The following GRM7 variants were observed in gnomAD, a reference collection of about 807,000 sequenced individuals.
GRM7 encodes metabotropic glutamate receptor 7.
Under a neutral mutation model 84.5 loss-of-function variants are expected in GRM7, and 35 were observed. That is an observed-to-expected ratio of 0.41 (90% CI 0.32 to 0.55). The LOEUF (loss-of-function observed/expected upper bound fraction) is 0.55. Ranked by LOEUF, GRM7 falls within the 20% of genes least tolerant of loss-of-function variation. The pLI, the probability that GRM7 is intolerant of heterozygous loss-of-function variation, is 0.19. For synonymous variants in GRM7, 487 were observed against 455.1 expected (o/e 1.07, Z -0.89); for missense variants, 1,003 against 1,194.6 (o/e 0.84, Z 2.36).
At chr3:7,114,326 T>C (rs1160551577) in intron 1 of GRM7, among the ~76,000 whole-genome samples, 1 of 152,150 alleles carries the variant, frequency 6.6e-6, no homozygotes, top group Admixed American at 6.5e-5. Flanking sequence ...TTCACATACC[T>C]TACTTCAAAA....
chr3:7,535,305 A>G (rs1333136072), intron 7 of GRM7: 1 of 152,362 alleles, frequency 6.6e-6, no homozygotes, highest in East Asian at 1.9e-4. Flanking sequence ...AGAAAAAAGA[A>G]AAAGAAAAAA....
intron 1 of GRM7, among the ~76,000 whole-genome samples, chr3:6,876,961 T>C (rs1409013086): frequency 6.6e-6 from 1 of 152,196 alleles, no homozygotes; most frequent in African/African-American, 2.4e-5. Context: ...GTAGCTTCTA[T>C]AATTTCCTCA....
intron 8 of GRM7, among the ~76,000 whole-genome samples, chr3:7,652,820 A>G (rs1264703067): frequency 6.6e-6 from 1 of 152,248 alleles, no homozygotes; most frequent in African/African-American, 2.4e-5. Flanking sequence ...GACCAGCTGT[A>G]TGCATAACAT....
At chr3:6,886,798 T>A (rs1336643557) in intron 1 of GRM7, among the ~76,000 whole-genome samples, 5 of 150,094 alleles carry the variant, frequency 3.3e-5, no homozygotes, top group East Asian at 3.9e-4. Flanking sequence ...ATAATAATAA[T>A]AAACAGTTTA....
intron 1 of GRM7, among the ~76,000 whole-genome samples, chr3:6,914,926 G>A (rs2125022700): frequency 6.6e-6 from 1 of 152,132 alleles, no homozygotes; most frequent in Admixed American, 6.5e-5. Context: ...ACATTATTTG[G>A]TTATAACAGC....
chr3:6,888,183 C>T (rs1450116967), intron 1 of GRM7, among the ~76,000 whole-genome samples: 2 of 151,850 alleles, frequency 1.3e-5, no homozygotes, highest in Non-Finnish European at 2.9e-5. Context: ...TTGTAGGTTG[C>T]CTGTTCACTC....
chr3:6,874,609 T>G (rs1695237608), intron 1 of GRM7, among the ~76,000 whole-genome samples: 1 of 152,244 alleles, frequency 6.6e-6, no homozygotes, highest in South Asian at 2.1e-4. Context: ...GATAAGCAAC[T>G]TGACCATTAG....
intron 2 of GRM7, among the ~76,000 whole-genome samples, chr3:7,182,319 T>G (rs1456085358): frequency 6.6e-6 from 1 of 152,222 alleles, no homozygotes; most frequent in Non-Finnish European, 1.5e-5. Context: ...TCAAGCATTT[T>G]GTAATATCAG....
chr3:7,050,426 A>G (rs574529231), intron 1 of GRM7, among the ~76,000 whole-genome samples: 137 of 151,976 alleles, frequency 9.0e-4, no homozygotes, highest in African/African-American at 3.2e-3. Context: ...CGTAGCCTGG[A>G]AACAAAATTT....
intron 2 of GRM7, among the ~76,000 whole-genome samples, chr3:7,251,837 A>AAAATCAT (rs1163428623): frequency 1.3e-5 from 2 of 152,244 alleles, no homozygotes; most frequent in African/African-American, 4.8e-5. Context: ...GTGTGAATTA[A>AAAATCAT]AAATCATAAG....
intron 1 of GRM7, among the ~76,000 whole-genome samples, chr3:6,952,406 A>C (rs1173623937): frequency 6.6e-6 from 1 of 152,174 alleles, no homozygotes; most frequent in Non-Finnish European, 1.5e-5. Flanking sequence ...TGCTTGAGGG[A>C]GAAACCCTTT....
At chr3:7,553,346 T>G (rs1374037540) in intron 7 of GRM7, among the ~76,000 whole-genome samples, 1 of 152,204 alleles carries the variant, frequency 6.6e-6, no homozygotes, top group Non-Finnish European at 1.5e-5. Flanking sequence ...TTTCCCACAT[T>G]TTCCTATCTT....
intron 1 of GRM7, among the ~76,000 whole-genome samples, chr3:7,111,859 G>A (rs1320060813): frequency 6.6e-6 from 1 of 152,068 alleles, no homozygotes; most frequent in African/African-American, 2.4e-5. Flanking sequence ...ACATACCTAT[G>A]TAACCAACAT....
intron 1 of GRM7, among the ~76,000 whole-genome samples, chr3:6,958,368 T>C (rs539051200): frequency 1.1e-3 from 163 of 152,310 alleles, no homozygotes; most frequent in African/African-American, 3.7e-3. Flanking sequence ...ATTTACTTTT[T>C]TGTTGCTGAA....
At chr3:7,416,386 T>C (rs952167954) in intron 5 of GRM7, among the ~76,000 whole-genome samples, 11 of 152,136 alleles carry the variant, frequency 7.2e-5, no homozygotes, top group African/African-American at 2.7e-4. Flanking sequence ...ATGTTTTATA[T>C]ATGATCAAGA....
intron 1 of GRM7, among the ~76,000 whole-genome samples, chr3:6,941,062 T>C (rs1010067798): frequency 6.6e-6 from 1 of 152,196 alleles, no homozygotes; most frequent in African/African-American, 2.4e-5. Flanking sequence ...TTGAGTCACC[T>C]TTCCAGAAGA....
intron 4 of GRM7, among the ~76,000 whole-genome samples, chr3:7,365,071 T>C (rs577467153): frequency 5.3e-5 from 8 of 151,902 alleles, no homozygotes; most frequent in Non-Finnish European, 1.0e-4. Flanking sequence ...TGACAGTATT[T>C]GCCTCTCAAT....
intron 9 of GRM7, among the ~76,000 whole-genome samples, chr3:7,711,534 C>G (rs1433355851): frequency 6.6e-6 from 1 of 152,154 alleles, no homozygotes; most frequent in Non-Finnish European, 1.5e-5. Flanking sequence ...TAAAGGGAAG[C>G]CATTGGAGTC....
chr3:7,296,839 G>T (rs1376072725), intron 2 of GRM7, among the ~76,000 whole-genome samples: 1 of 151,260 alleles, frequency 6.6e-6, no homozygotes, highest in African/African-American at 2.4e-5. Context: ...AAAAAAGCTG[G>T]GATCTTGCTA....
Sources: gnomAD v4.1 joint callset for allele counts (sites outside exome capture counted in the v4.1 genomes callset) on GRCh38, gnomAD v4.1.1 for gene constraint, MANE v1.5 for transcripts, NCBI Gene and HGNC (gene_info 2026-07-23, HGNC 2026-07-21) for gene names.